The following CHCHD6 variants were observed in gnomAD, a reference collection of about 807,000 sequenced individuals.
The protein encoded by CHCHD6 is coiled-coil-helix-coiled-coil-helix domain containing 6, also known as MICOS complex subunit MIC25.
In CHCHD6, 28 loss-of-function variants were observed where a neutral mutation model predicts 32.3. That is an observed-to-expected ratio of 0.87 (90% CI 0.64 to 1.19). The LOEUF (loss-of-function observed/expected upper bound fraction) is 1.19, where lower values mean the gene tolerates loss of function less well. Among genes scored for constraint, CHCHD6 ranks in the 50% most tolerant of loss-of-function variants. The probability of loss-of-function intolerance (pLI) is 0.00; values close to 1 mark genes in which losing one functional copy is unlikely to be tolerated. For missense variants in CHCHD6, 333 were observed against 307.0 expected (o/e 1.08, Z -0.63); for synonymous variants, 122 against 117.5 (o/e 1.04, Z -0.25).
At chr3:126,900,602 CTTT>C (rs35627042) in intron 5 of CHCHD6, among the ~76,000 whole-genome samples, 4 of 116,786 alleles carry the variant, frequency 3.4e-5, no homozygotes, top group Admixed American at 9.6e-5. Context: ...GTGTGACACA[CTTT>C]TTTTTTTTTT....
At chr3:126,726,024 A>G (rs1244028473) in intron 1 of CHCHD6, among the ~76,000 whole-genome samples, 5 of 152,226 alleles carry the variant, frequency 3.3e-5, no homozygotes, top group Non-Finnish European at 7.3e-5. Flanking sequence ...GGAGTAGCAC[A>G]TGTAACTTCT....
chr3:126,780,943 C>A (rs1937907060), intron 4 of CHCHD6, among the ~76,000 whole-genome samples: 1 of 152,178 alleles, frequency 6.6e-6, no homozygotes, highest in Non-Finnish European at 1.5e-5. Context: ...CACAAGGCAT[C>A]CAGTCCTCAC....
chr3:126,921,341 CTGT>C (rs1422906891), intron 6 of CHCHD6, among the ~76,000 whole-genome samples: 4 of 152,136 alleles, frequency 2.6e-5, no homozygotes, highest in Admixed American at 2.6e-4. Flanking sequence ...TGGAAGAATC[CTGT>C]TGTTAAGACA....
chr3:126,746,079 G>C (rs71327772), intron 4 of CHCHD6, among the ~76,000 whole-genome samples: 1 of 152,210 alleles, frequency 6.6e-6, no homozygotes, highest in Non-Finnish European at 1.5e-5. Flanking sequence ...GGGTGGCTTA[G>C]GGGTATTGCT....
chr3:126,823,965 C>T (rs1940267588), intron 4 of CHCHD6, among the ~76,000 whole-genome samples: 1 of 152,172 alleles, frequency 6.6e-6, no homozygotes, highest in South Asian at 2.1e-4. Context: ...GTCCCAGCTA[C>T]TCAGGGTGCT....
chr3:126,712,784 T>C (rs1198846843), intron 1 of CHCHD6, among the ~76,000 whole-genome samples: 1 of 152,180 alleles, frequency 6.6e-6, no homozygotes, highest in African/African-American at 2.4e-5. Context: ...ATTCTAAATA[T>C]CCAACCCAGA....
chr3:126,729,253 C>T (rs922971251), intron 2 of CHCHD6, among the ~76,000 whole-genome samples: 1 of 152,184 alleles, frequency 6.6e-6, no homozygotes, highest in South Asian at 2.1e-4. Context: ...TAATATGTAG[C>T]GAGTTCTTAA....
At chr3:126,881,533 G>GT (rs1246675108) in intron 5 of CHCHD6, among the ~76,000 whole-genome samples, 1 of 152,232 alleles carries the variant, frequency 6.6e-6, no homozygotes, top group East Asian at 1.9e-4. Context: ...GAGAAAAGGT[G>GT]TAAGAGAGCT....
intron 4 of CHCHD6, among the ~76,000 whole-genome samples, chr3:126,822,169 T>C: frequency 6.6e-6 from 1 of 152,200 alleles, no homozygotes. Context: ...GGGATTCCTG[T>C]GTTTTATAAA....
chr3:126,878,363 C>G (rs1426439613), intron 5 of CHCHD6, among the ~76,000 whole-genome samples: 3 of 152,180 alleles, frequency 2.0e-5, no homozygotes, highest in Non-Finnish European at 2.9e-5. Context: ...AGGAAATTGA[C>G]AGGGTGAGCC....
intron 5 of CHCHD6, among the ~76,000 whole-genome samples, chr3:126,892,676 TC>T (rs2077780415): frequency 6.6e-6 from 1 of 152,178 alleles, no homozygotes; most frequent in South Asian, 2.1e-4. Context: ...CAGACTGTAT[TC>T]CCTTACTCTC....
At chr3:126,903,001 C>A (rs2077952163) in intron 5 of CHCHD6, among the ~76,000 whole-genome samples, 1 of 152,030 alleles carries the variant, frequency 6.6e-6, no homozygotes, top group Non-Finnish European at 1.5e-5. Flanking sequence ...GGTCAGTTCC[C>A]TGCGAAGGGA....
chr3:126,793,732 T>A (rs570330103), intron 4 of CHCHD6, among the ~76,000 whole-genome samples: 1 of 152,342 alleles, frequency 6.6e-6, no homozygotes, highest in African/African-American at 2.4e-5. Context: ...CTTCATTTTT[T>A]AAAAATTATT....
At chr3:126,950,230 A>G (rs1006033159) in intron 6 of CHCHD6, among the ~76,000 whole-genome samples, 6 of 152,248 alleles carry the variant, frequency 3.9e-5, no homozygotes, top group African/African-American at 1.4e-4. Context: ...CTTTCTGTGC[A>G]TGGAAGAAAA....
intron 6 of CHCHD6, chr3:126,953,200 G>T: frequency 1.1e-6 from 1 of 916,388 alleles, no homozygotes; most frequent in Non-Finnish European, 1.3e-6. Context: ...TCTGATCCCA[G>T]AACCTGTGTT....
At chr3:126,732,938 C>T in intron 3 of CHCHD6, 140 bp from the exon 4 acceptor site, 1 of 834,526 alleles carries the variant, frequency 1.2e-6, no homozygotes, top group Admixed American at 2.4e-5. Context: ...GGTTTCACAG[C>T]ACTCTCTCCT....
intron 4 of CHCHD6, among the ~76,000 whole-genome samples, chr3:126,786,023 T>C (rs1397267808): frequency 1.3e-5 from 2 of 152,220 alleles, no homozygotes; most frequent in East Asian, 3.9e-4. Context: ...TTCCCCTTCC[T>C]GTGTCCAAGT....
chr3:126,916,300 C>G (rs2078168836), intron 6 of CHCHD6, among the ~76,000 whole-genome samples: 1 of 151,460 alleles, frequency 6.6e-6, no homozygotes, highest in Non-Finnish European at 1.5e-5. Context: ...ACTCAGGAGG[C>G]TGAGGTGGAA....
chr3:126,737,390 G>GTA (rs60896630), intron 4 of CHCHD6, among the ~76,000 whole-genome samples: 26,464 of 132,298 alleles, frequency 0.2, 2,540 homozygotes, highest in Middle Eastern at 0.27. Flanking sequence ...TGATGTGTGA[G>GTA]TATATATATA....
Sources: allele counts gnomAD v4.1 joint callset (sites outside exome capture counted in the v4.1 genomes callset), GRCh38; gene constraint gnomAD v4.1.1; transcripts MANE v1.5; gene names NCBI Gene and HGNC (gene_info 2026-07-23, HGNC 2026-07-21).